NRXN3: variants seen among roughly 807,000 people sequenced by gnomAD.
The protein encoded by NRXN3 is neurexin III.
A neutral mutation model predicts 137.6 loss-of-function variants in NRXN3; 32 were observed. That is an observed-to-expected ratio of 0.23 (90% CI 0.18 to 0.31). NRXN3 has a LOEUF of 0.31. Ranked by LOEUF, NRXN3 falls within the 10% of genes least tolerant of loss-of-function variation. The pLI is 1.00. For missense variants in NRXN3, 1,574 were observed against 2,062.5 expected, an observed-to-expected ratio of 0.76 and a Z score of 4.59; for synonymous variants, 798 against 784.5, an observed-to-expected ratio of 1.02 and a Z score of -0.29.
chr14:78,335,436 C>A (rs2081348742), intron 4 of NRXN3, among the ~76,000 whole-genome samples: 1 of 152,212 alleles, frequency 6.6e-6, no homozygotes, highest in South Asian at 2.1e-4. Context: ...GGACTCTGCC[C>A]AAGCTGAGCC....
intron 10 of NRXN3, among the ~76,000 whole-genome samples, chr14:78,855,687 A>G (rs895706057): frequency 1.4e-4 from 22 of 152,208 alleles, no homozygotes; most frequent in African/African-American, 5.1e-4. Context: ...AAGAAAGTGT[A>G]TCTGACAGTA....
At chr14:78,908,807 G>A (rs1303705863) in intron 10 of NRXN3, among the ~76,000 whole-genome samples, 1 of 152,054 alleles carries the variant, frequency 6.6e-6, no homozygotes, top group Non-Finnish European at 1.5e-5. Flanking sequence ...AGAATGGTGA[G>A]ATCATTGATT....
intron 16 of NRXN3, among the ~76,000 whole-genome samples, chr14:79,592,159 A>G (rs2097811295): frequency 6.6e-6 from 1 of 152,180 alleles, no homozygotes; most frequent in Admixed American, 6.5e-5. Flanking sequence ...AGAATTTTAT[A>G]AAAATGAAAT....
intron 4 of NRXN3, among the ~76,000 whole-genome samples, chr14:78,532,263 G>T (rs1157120214): frequency 6.6e-6 from 1 of 151,606 alleles, no homozygotes; most frequent in Admixed American, 6.6e-5. Flanking sequence ...GGAAGTTCTG[G>T]TGAGCCAAGA....
At chr14:78,669,329 T>A (rs559320942) in intron 6 of NRXN3, among the ~76,000 whole-genome samples, 1 of 151,962 alleles carries the variant, frequency 6.6e-6, no homozygotes, top group Non-Finnish European at 1.5e-5. Context: ...CAGACCCCAA[T>A]AGAGAGTTCT....
At chr14:78,758,774 T>C (rs937482759) in intron 8 of NRXN3, among the ~76,000 whole-genome samples, 1 of 152,358 alleles carries the variant, frequency 6.6e-6, no homozygotes, top group Non-Finnish European at 1.5e-5. Context: ...TCTGTCCTTT[T>C]ATGGTTTATT....
At chr14:79,461,803 A>T (rs980723547) in intron 15 of NRXN3, among the ~76,000 whole-genome samples, 27 of 152,216 alleles carry the variant, frequency 1.8e-4, no homozygotes, top group African/African-American at 6.5e-4. Context: ...AAAAACACGA[A>T]TGTGGATAAG....
chr14:79,066,828 T>A (rs74365938), intron 15 of NRXN3, among the ~76,000 whole-genome samples: 1 of 148,832 alleles, frequency 6.7e-6, no homozygotes, highest in Non-Finnish European at 1.5e-5. Context: ...ATTCTGAGAC[T>A]TTACTGAAAT....
chr14:78,922,568 T>C (rs2099273789), intron 10 of NRXN3, among the ~76,000 whole-genome samples: 1 of 152,176 alleles, frequency 6.6e-6, no homozygotes, highest in South Asian at 2.1e-4. Flanking sequence ...TTCAGCTGAC[T>C]TCTCCAGTAA....
intron 6 of NRXN3, among the ~76,000 whole-genome samples, chr14:78,681,982 C>T (rs562675437): frequency 6.6e-6 from 1 of 152,100 alleles, no homozygotes; most frequent in Non-Finnish European, 1.5e-5. Context: ...ATTCTCCTGC[C>T]TCAGCCTCTC....
intron 16 of NRXN3, among the ~76,000 whole-genome samples, chr14:79,554,053 A>G (rs376983847): frequency 1.2e-4 from 18 of 152,182 alleles, no homozygotes; most frequent in Non-Finnish European, 1.9e-4. Context: ...CGCATTGTCT[A>G]TATTTTAATG....
At chr14:78,440,251 T>C (rs1198952146) in intron 4 of NRXN3, among the ~76,000 whole-genome samples, 3 of 152,122 alleles carry the variant, frequency 2.0e-5, no homozygotes, top group East Asian at 1.9e-4. Flanking sequence ...AAACCAGACA[T>C]TGGGCTCCAG....
intron 16 of NRXN3, among the ~76,000 whole-genome samples, chr14:79,537,344 G>A (rs541786903): frequency 6.6e-6 from 1 of 152,000 alleles, no homozygotes; most frequent in East Asian, 1.9e-4. Flanking sequence ...CCAACGTGCA[G>A]GTTAGTTACA....
Position 78,632,151 on chromosome 14 carries a change from G to A in NRXN3, c.758-12969G>A, listed in dbSNP as rs2097528615. Among the ~76,000 whole-genome samples, 3 of 149,316 alleles carry A rather than the reference G, an allele frequency of 2.0e-5. No individual in the cohort carries two copies. In the South Asian group the frequency reaches 6.3e-4, roughly 31 times the overall value. ...AAAAAAAGTGGATTTCCTTATTTATGCTCTCATAATTAAGATAATTTTAGC... is the reference window on the plus strand; with the variant it reads ...AAAAAAAGTGGATTTCCTTATTTATACTCTCATAATTAAGATAATTTTAGC... On this transcript the variant is annotated intron_variant, in intron 4 of 20. Coordinates refer to ENST00000335750, the MANE Select transcript of NRXN3 (RefSeq NM_001330195.2).
At chr14:78,733,879 G>A (rs546131371) in intron 8 of NRXN3, among the ~76,000 whole-genome samples, 2 of 152,260 alleles carry the variant, frequency 1.3e-5, no homozygotes, top group East Asian at 3.9e-4. Flanking sequence ...CCTTCAAGGA[G>A]CTCAAGGTCA....
rs113276333 is a variant in NRXN3 at position 79,695,456 on chromosome 14, T to C, written c.3707-2174T>C. Among the ~76,000 whole-genome samples the C allele has an allele frequency of 6.2e-3, 942 of 152,084 alleles. 11 individuals carry two copies. Among genetic ancestry groups the C allele is most frequent in the African/African-American group, 0.021 (879 of 41,528 alleles). ...CAGTTGTGTGCATGGAAAGTATCTC[T>C]TGGCATTAGGCTGTCTAATGTAAGA... On this transcript the variant is annotated intron_variant, in intron 18 of 20. Transcript: ENST00000335750.
At chr14:79,827,197 A>T (rs557188708) in intron 20 of NRXN3, among the ~76,000 whole-genome samples, 29 of 152,298 alleles carry the variant, frequency 1.9e-4, no homozygotes, top group African/African-American at 6.7e-4. Flanking sequence ...CTATGAAGCA[A>T]AGGCACTTGG....
intron 16 of NRXN3, among the ~76,000 whole-genome samples, chr14:79,544,043 T>C (rs1291219784): frequency 6.6e-6 from 1 of 152,050 alleles, no homozygotes. Context: ...ACATTGTGAG[T>C]CTCATCCCCA....
chr14:79,807,374 G>C (rs367665997), intron 20 of NRXN3, among the ~76,000 whole-genome samples: 2 of 151,996 alleles, frequency 1.3e-5, no homozygotes, highest in African/African-American at 4.8e-5. Context: ...TACTCACCCT[G>C]CCTCAGAAAG....
Sources: allele counts gnomAD v4.1 joint callset (sites outside exome capture counted in the v4.1 genomes callset), GRCh38; gene constraint gnomAD v4.1.1; transcripts MANE v1.5; gene names NCBI Gene and HGNC (gene_info 2026-07-23, HGNC 2026-07-21).